SLF1: variants seen among roughly 807,000 people sequenced by gnomAD.
SLF1 encodes the protein SMC5/6 complex localization factor 1, also known as SMC5-SMC6 complex localization factor protein 1.
Under a neutral mutation model 123.0 loss-of-function variants are expected in SLF1, and 105 were observed. That is an observed-to-expected ratio of 0.85 (90% CI 0.73 to 1.00). SLF1 has a LOEUF of 1.00. Ranked by LOEUF, SLF1 falls within the 50% of genes least tolerant of loss-of-function variation. SLF1 has a pLI of 0.00. For synonymous variants in SLF1, 434 were observed against 406.6 expected, an observed-to-expected ratio of 1.07 and a Z score of -0.81; for missense variants, 1,239 against 1,223.0, an observed-to-expected ratio of 1.01 and a Z score of -0.20.
rs1055667741 is a variant in SLF1, at chr5:94,649,004, A to T, written c.595-450A>T. ...GATAATTGTTGTTTATTGCTATTCA[A>T]GTAAGAGTATTGTGTAACCTTTTCC... On this transcript the variant is annotated intron_variant, in intron 5 of 20. Coordinates refer to ENST00000265140, the MANE Select transcript of SLF1 (RefSeq NM_032290.4). Among the ~76,000 whole-genome samples the T allele has an allele frequency of 3.3e-4, 50 of 152,330 alleles. 1 individual carries two copies. The highest frequency in any genetic ancestry group is 8.9e-4 in the African/African-American group (37 of 41,582).
chr5:94,625,192 CAA>C (rs754127514), intron 1 of SLF1, among the ~76,000 whole-genome samples: 69 of 101,514 alleles, frequency 6.8e-4, no homozygotes, highest in Middle Eastern at 5.3e-3. Flanking sequence ...GACTCCGTCT[CAA>C]AAAAAAAAAA....
chr5:94,673,424 C>T (rs1423002890), intron 14 of SLF1, among the ~76,000 whole-genome samples: 1 of 151,836 alleles, frequency 6.6e-6, no homozygotes, highest in Non-Finnish European at 1.5e-5. Flanking sequence ...CCTGTAATCC[C>T]AGCACTTTGA....
intron 4 of SLF1, among the ~76,000 whole-genome samples, chr5:94,636,416 A>G (rs1327034151): frequency 6.6e-6 from 1 of 151,984 alleles, no homozygotes; most frequent in Non-Finnish European, 1.5e-5. Context: ...TACAGTTATT[A>G]GGTCTCATAA....
At chr5:94,643,235 T>G in intron 4 of SLF1, 38 bp from the exon 5 acceptor site, 1 of 1,423,410 alleles carries the variant, frequency 7.0e-7, no homozygotes, top group Non-Finnish European at 9.4e-7. Context: ...GAAACTCAAA[T>G]TTTCTAATAC....
At chr5:94,628,566 C>CTT (rs1163929279) in intron 1 of SLF1, among the ~76,000 whole-genome samples, 2 of 152,216 alleles carry the variant, frequency 1.3e-5, no homozygotes, top group African/African-American at 4.8e-5. Context: ...TTAATCCAGA[C>CTT]TTTCAATGTT....
chr5:94,621,688 A>G (rs1331281332), intron 1 of SLF1, among the ~76,000 whole-genome samples: 1 of 152,232 alleles, frequency 6.6e-6, no homozygotes, highest in East Asian at 1.9e-4. Flanking sequence ...TAGATTGGAC[A>G]TCTCCGTATG....
chr5:94,622,915 GTC>G (rs1791921758), intron 1 of SLF1, among the ~76,000 whole-genome samples: 1 of 151,966 alleles, frequency 6.6e-6, no homozygotes, highest in South Asian at 2.1e-4. Context: ...ATGCATCCCT[GTC>G]TCTCATTTTT....
intron 15 of SLF1, 44 bp from the exon 16 acceptor site, chr5:94,686,529 T>C (rs761023618): frequency 2.9e-5 from 47 of 1,596,516 alleles, no homozygotes; most frequent in Non-Finnish European, 3.9e-5. Flanking sequence ...AAAAATTGTA[T>C]AGGATACAGC....
intron 7 of SLF1, among the ~76,000 whole-genome samples, chr5:94,652,832 A>G (rs562470275): frequency 4.0e-5 from 6 of 151,882 alleles, no homozygotes; most frequent in Non-Finnish European, 5.9e-5. Context: ...AATGGATGAG[A>G]TTTTCTGTTG....
chr5:94,653,484 C>T lies in SLF1; in HGVS notation c.1032+63C>T, dbSNP rs563282399. The T allele has an allele frequency of 8.4e-6, 11 of 1,316,068 alleles. No homozygotes were observed. In the African/African-American group the frequency reaches 1.6e-4, roughly 19 times the overall value. The allele number at this position is 1,316,068 out of a possible 1,614,324, so 81.5% of individuals were successfully genotyped here. A position where few individuals can be genotyped will look rare whatever the true frequency, so the allele number is the denominator to read the frequency against. On this transcript the variant is annotated intron_variant, in intron 8 of 20. Coordinates refer to ENST00000265140, the MANE Select transcript of SLF1 (RefSeq NM_032290.4). Reference sequence around the variant, plus strand: ...TTTTTTGGCTGTTCTCTGATATAATCTAGATATATAATGCTACATGTTTTA... The same window carrying T: ...TTTTTTGGCTGTTCTCTGATATAATTTAGATATATAATGCTACATGTTTTA...
chr5:94,621,740 G>A (rs934580649), intron 1 of SLF1, among the ~76,000 whole-genome samples: 2 of 151,940 alleles, frequency 1.3e-5, no homozygotes, highest in Admixed American at 1.3e-4. Flanking sequence ...TATTCACTTT[G>A]GGGCTTGTTC....
chr5:94,642,179 G>A (rs114394942), intron 4 of SLF1, among the ~76,000 whole-genome samples: 387 of 152,246 alleles, frequency 2.5e-3, no homozygotes, highest in African/African-American at 9.1e-3. Flanking sequence ...ATGAGAGAAC[G>A]GTCTGGAGAA....
At position 94,691,381 on chromosome 5, in the gene SLF1, C is replaced by A. The variant is rs546311274; in HGVS notation, c.2420-183C>A. The A allele has an allele frequency of 1.7e-5, 7 of 405,100 alleles. No homozygotes were observed. In the South Asian group the frequency reaches 1.9e-4, roughly 11 times the overall value. The allele number at this position is 405,100 out of a possible 1,614,324, so 25.1% of individuals were successfully genotyped here. Reference sequence around the variant, plus strand: ...GAAGCAGTATGGATTGGTGGGGGTCCTTCCCCTTCCCACCCCCCACCCCCG... The same window carrying A: ...GAAGCAGTATGGATTGGTGGGGGTCATTCCCCTTCCCACCCCCCACCCCCG... On this transcript the variant is annotated intron_variant, in intron 18 of 20. Transcript: ENST00000265140.
chr5:94,668,326 G>C (rs975469995), intron 12 of SLF1, among the ~76,000 whole-genome samples: 3 of 151,822 alleles, frequency 2.0e-5, no homozygotes, highest in Non-Finnish European at 2.9e-5. Context: ...TTGTGGTTGT[G>C]GTTGTAGTTT....
chr5:94,666,619 A>G (rs978417772), intron 12 of SLF1, among the ~76,000 whole-genome samples: 4 of 152,038 alleles, frequency 2.6e-5, no homozygotes, highest in Non-Finnish European at 4.4e-5. Flanking sequence ...GTATTTGATA[A>G]CCCTTATTCT....
At chr5:94,633,653 C>A in intron 4 of SLF1, among the ~76,000 whole-genome samples, 1 of 152,104 alleles carries the variant, frequency 6.6e-6, no homozygotes, top group East Asian at 1.9e-4. Context: ...TGGTTGTGTA[C>A]TAAAAAATTT....
intron 19 of SLF1, 36 bp downstream of exon 19, chr5:94,691,692 T>C (rs1561480683): frequency 6.8e-7 from 1 of 1,471,430 alleles, no homozygotes; most frequent in Non-Finnish European, 9.2e-7. Flanking sequence ...GTCCAATGTC[T>C]TAATATTTGT....
At position 94,635,337 on chromosome 5, in the gene SLF1, C is replaced by CTTTTTT. The variant is rs34524874; in HGVS notation, c.431+4613_431+4618dup. 1.1e-4 allele frequency among the ~76,000 whole-genome samples: 5 copies of CTTTTTT among 43,902 alleles called. No individual in the cohort carries two copies. In the East Asian group the frequency reaches 2.5e-3, roughly 22 times the overall value. 28.8% of individuals were successfully genotyped at this position (43,902 alleles called of 152,430 possible). A position where few individuals can be genotyped will look rare whatever the true frequency, so the allele number is the denominator to read the frequency against. On this transcript the variant is annotated intron_variant, in intron 4 of 20. Coordinates refer to ENST00000265140, the MANE Select transcript of SLF1 (RefSeq NM_032290.4). ...TCTCCCGTAGGCAGTACATACTCGGCTTTTTTTTTTTTTTTTTTTTTTTTG... is the reference window on the plus strand; with the variant it reads ...TCTCCCGTAGGCAGTACATACTCGGCTTTTTTTTTTTTTTTTTTTTTTTTTTTTTTG...
chr5:94,670,181 T>C lies in SLF1; in HGVS notation c.1563T>C (p.His521=). ...RSCLFNESFC[H]QISENIGSKV... ...GCCTTTTCAATGAAAGCTTTTGTCATCAAATTTCAGAAAATATTGGCTCCA... is the reference window on the plus strand; with the variant it reads ...GCCTTTTCAATGAAAGCTTTTGTCACCAAATTTCAGAAAATATTGGCTCCA... The change falls in exon 13 of 21, where the codon CAT becomes CAC. Residue 521 remains histidine, a synonymous_variant. Coordinates refer to ENST00000265140, the MANE Select transcript of SLF1 (RefSeq NM_032290.4). 1 of 1,536,964 alleles carries C rather than the reference T, an allele frequency of 6.5e-7. No individual in the cohort carries two copies. The highest frequency in any genetic ancestry group is 1.2e-5 in the South Asian group (1 of 81,308).
Sources: gnomAD v4.1 joint callset for allele counts (sites outside exome capture counted in the v4.1 genomes callset) on GRCh38, gnomAD v4.1.1 for gene constraint, MANE v1.5 for transcripts, NCBI Gene and HGNC (gene_info 2026-07-23, HGNC 2026-07-21) for gene names.